NKAIN2: variants seen among roughly 807,000 people sequenced by gnomAD.
NKAIN2 encodes the protein sodium/potassium transporting ATPase interacting 2.
A neutral mutation model predicts 32.6 loss-of-function variants in NKAIN2; 14 were observed. The observed-to-expected ratio is 0.43, with a 90% CI of 0.28 to 0.67. The LOEUF is 0.67. Among genes scored for constraint, NKAIN2 ranks in the 30% least tolerant of loss-of-function variants. The pLI is 0.17. For missense variants in NKAIN2, 198 were observed against 258.3 expected, an observed-to-expected ratio of 0.77 and a Z score of 1.60; for synonymous variants, 80 against 87.2, an observed-to-expected ratio of 0.92 and a Z score of 0.46.
chr6:124,371,536 A>C (rs1373827668), intron 3 of NKAIN2, among the ~76,000 whole-genome samples: 4 of 152,048 alleles, frequency 2.6e-5, no homozygotes, highest in Middle Eastern at 3.4e-3. Flanking sequence ...TACTAAAAAT[A>C]CAAAAAAATT....
chr6:124,307,637 T>C (rs1300302535), intron 2 of NKAIN2, among the ~76,000 whole-genome samples: 3 of 152,208 alleles, frequency 2.0e-5, no homozygotes, highest in Non-Finnish European at 4.4e-5. Flanking sequence ...ACAATTACAA[T>C]TGAATTTCTT....
At chr6:123,968,341 G>C (rs1329417511) in intron 1 of NKAIN2, among the ~76,000 whole-genome samples, 1 of 152,062 alleles carries the variant, frequency 6.6e-6, no homozygotes, top group Non-Finnish European at 1.5e-5. Flanking sequence ...TACTTATAGT[G>C]GTCCAGATGA....
intron 1 of NKAIN2, among the ~76,000 whole-genome samples, chr6:124,030,715 T>C (rs1287412248): frequency 6.6e-6 from 1 of 152,202 alleles, no homozygotes; most frequent in Non-Finnish European, 1.5e-5. Context: ...AGGACACTCC[T>C]GGAAAGCATG....
intron 1 of NKAIN2, among the ~76,000 whole-genome samples, chr6:124,205,357 G>C (rs867867537): frequency 1.1e-3 from 89 of 81,238 alleles, no homozygotes; most frequent in African/African-American, 3.2e-3. Flanking sequence ...CATTTTCTTA[G>C]GTGCTAAAAA....
At chr6:124,558,622 G>A (rs1304438565) in intron 3 of NKAIN2, among the ~76,000 whole-genome samples, 1 of 151,880 alleles carries the variant, frequency 6.6e-6, no homozygotes, top group Non-Finnish European at 1.5e-5. Flanking sequence ...TGGGCAGGAA[G>A]GAGAAAGAAA....
At chr6:124,715,078 A>G (rs1411723593) in intron 4 of NKAIN2, among the ~76,000 whole-genome samples, 1 of 152,220 alleles carries the variant, frequency 6.6e-6, no homozygotes, top group Non-Finnish European at 1.5e-5. Context: ...TGCTGGGAAG[A>G]GGTAGATTTC....
At chr6:123,899,976 ATGCTCGACC>A (rs1370968029) in intron 1 of NKAIN2, among the ~76,000 whole-genome samples, 2 of 152,082 alleles carry the variant, frequency 1.3e-5, no homozygotes, top group Non-Finnish European at 2.9e-5. Context: ...TCTGACCATG[ATGCTCGACC>A]TGCTTAGCGA....
At position 124,732,328 on chromosome 6, in the gene NKAIN2, C is replaced by G. The variant is rs192693108; in HGVS notation, c.475-59011C>G. 3.9e-5 allele frequency among the ~76,000 whole-genome samples: 6 copies of G among 151,910 alleles called. No homozygotes were observed. The East Asian group carries it at 9.7e-4, about 25-fold the overall frequency. ...TAAGGAATAGAGATACGGGCTCTTACGGAAGCTGAGGAATAGGACAGGGTT... is the reference window on the plus strand; with the variant it reads ...TAAGGAATAGAGATACGGGCTCTTAGGGAAGCTGAGGAATAGGACAGGGTT... On this transcript the variant is annotated intron_variant, in intron 4 of 6. Coordinates refer to ENST00000368417, the MANE Select transcript of NKAIN2 (RefSeq NM_001040214.3).
chr6:124,802,182 C>T (rs543246740), intron 5 of NKAIN2, among the ~76,000 whole-genome samples: 224 of 152,198 alleles, frequency 1.5e-3, no homozygotes, highest in African/African-American at 5.0e-3. Context: ...AATTACAGCA[C>T]GCATGTTTTA....
intron 3 of NKAIN2, among the ~76,000 whole-genome samples, chr6:124,590,978 A>C (rs191391779): frequency 6.6e-6 from 1 of 152,328 alleles, no homozygotes; most frequent in Non-Finnish European, 1.5e-5. Flanking sequence ...TGAGAGAGAC[A>C]CCATGTATAT....
intron 1 of NKAIN2, among the ~76,000 whole-genome samples, chr6:124,021,667 C>G (rs1318036158): frequency 6.6e-6 from 1 of 151,704 alleles, no homozygotes; most frequent in African/African-American, 2.4e-5. Context: ...AAAATTTTTG[C>G]CTTATAGGCT....
At chr6:124,737,360 G>A (rs1022342836) in intron 4 of NKAIN2, among the ~76,000 whole-genome samples, 1 of 151,772 alleles carries the variant, frequency 6.6e-6, no homozygotes, top group Non-Finnish European at 1.5e-5. Flanking sequence ...TCTCCTTGCT[G>A]CCACCATGTG....
At chr6:124,806,755 A>G (rs1178593749) in intron 5 of NKAIN2, among the ~76,000 whole-genome samples, 1 of 151,854 alleles carries the variant, frequency 6.6e-6, no homozygotes, top group Non-Finnish European at 1.5e-5. Context: ...TTTCACATGC[A>G]GAGACACACA....
chr6:124,110,024 A>C (rs1376799622), intron 1 of NKAIN2, among the ~76,000 whole-genome samples: 1 of 151,764 alleles, frequency 6.6e-6, no homozygotes, highest in Non-Finnish European at 1.5e-5. Flanking sequence ...AAATTTTTGC[A>C]TCTATATCCA....
chr6:124,075,775 T>C (rs1783670086), intron 1 of NKAIN2, among the ~76,000 whole-genome samples: 1 of 152,096 alleles, frequency 6.6e-6, no homozygotes, highest in African/African-American at 2.4e-5. Flanking sequence ...TTTGTATTTT[T>C]AGTACAGACC....
intron 2 of NKAIN2, among the ~76,000 whole-genome samples, chr6:124,324,052 A>G (rs373958520): frequency 3.7e-4 from 56 of 152,152 alleles, no homozygotes; most frequent in African/African-American, 1.3e-3. Flanking sequence ...CAGCCTCCCA[A>G]AGTGCTGGGA....
intron 1 of NKAIN2, among the ~76,000 whole-genome samples, chr6:124,191,812 T>C (rs1483717499): frequency 6.6e-6 from 1 of 152,206 alleles, no homozygotes; most frequent in Non-Finnish European, 1.5e-5. Flanking sequence ...TTTTGAATTT[T>C]ATTAAATGTT....
chr6:124,179,039 A>G (rs1313734514), intron 1 of NKAIN2, among the ~76,000 whole-genome samples: 3 of 152,236 alleles, frequency 2.0e-5, no homozygotes, highest in Non-Finnish European at 4.4e-5. Context: ...CAATACAGGT[A>G]CTACAACTCG....
intron 1 of NKAIN2, among the ~76,000 whole-genome samples, chr6:123,839,093 G>C (rs1040091637): frequency 2.0e-4 from 31 of 152,120 alleles, no homozygotes; most frequent in African/African-American, 7.0e-4. Context: ...TGCTGCTTAG[G>C]GGGAGAGGGA....
Sources: allele counts gnomAD v4.1 joint callset (sites outside exome capture counted in the v4.1 genomes callset), GRCh38; gene constraint gnomAD v4.1.1; transcripts MANE v1.5; gene names NCBI Gene and HGNC (gene_info 2026-07-23, HGNC 2026-07-21).